UBE2G2: variants seen among roughly 807,000 people sequenced by gnomAD.
The protein encoded by UBE2G2 is ubiquitin-conjugating enzyme E2 G2.
In UBE2G2, 10 loss-of-function variants were observed where a neutral mutation model predicts 23.0. The ratio of observed to expected loss-of-function variants is 0.43; its 90% CI spans 0.27 to 0.74. The LOEUF (loss-of-function observed/expected upper bound fraction) is 0.74. UBE2G2 is among the 30% of genes least tolerant of loss of function. The pLI, the probability that UBE2G2 is intolerant of heterozygous loss-of-function variation, is 0.19. For synonymous variants in UBE2G2, 86 were observed against 81.3 expected (o/e 1.06, Z -0.31); for missense variants, 150 against 218.3 (o/e 0.69, Z 1.97).
At chr21:44,779,588 T>C (rs1013967890) in intron 3 of UBE2G2, among the ~76,000 whole-genome samples, 11 of 151,900 alleles carry the variant, frequency 7.2e-5, no homozygotes, top group African/African-American at 2.4e-4. Context: ...CCCCCTGCAA[T>C]GGCCTGAACA....
chr21:44,789,837 G>A (rs575111587), intron 1 of UBE2G2, among the ~76,000 whole-genome samples: 45 of 152,224 alleles, frequency 3.0e-4, no homozygotes, highest in Admixed American at 1.2e-3. Context: ...GATTAGGTCA[G>A]GAGGGCAGAA....
At chr21:44,778,213 C>T (rs2082927633) in intron 3 of UBE2G2, among the ~76,000 whole-genome samples, 1 of 152,166 alleles carries the variant, frequency 6.6e-6, no homozygotes. Context: ...TAAACGTGCC[C>T]AAGAAGGCAT....
chr21:44,775,129 C>G (rs1483268276), intron 4 of UBE2G2: 1 of 161,250 alleles, frequency 6.2e-6, no homozygotes, highest in East Asian at 1.9e-4. Flanking sequence ...ACATCAAAAC[C>G]TTCAGTATTG....
rs782417629 is a variant in UBE2G2 at position 44,773,606 on chromosome 21, C to T, written c.326G>A (p.Arg109Gln). 7.4e-6 allele frequency: 12 copies of T among 1,611,852 alleles called. No individual in the cohort carries two copies. Among genetic ancestry groups the T allele is most frequent in the South Asian group, 1.1e-5 (1 of 91,088 alleles). The change falls in exon 5 of 6, where the codon CGG becomes CAG. Residue 109 changes from arginine to glutamine, a missense_variant. Physicochemically the swap from Arg to Gln is conservative, Grantham distance 43 (BLOSUM62 1). Coordinates refer to ENST00000345496, the MANE Select transcript of UBE2G2 (RefSeq NM_003343.6). Reference protein sequence around the residue: ...DPMGYESSAERWSPVQSVEKI... With the variant: ...DPMGYESSAEQWSPVQSVEKI... ...CTCCACACTCTGCACAGGACTCCAC[C>T]GCTCCGCGCTGCTCTCGTAGCCCAT...
chr21:44,773,123 G>C (rs112866478), intron 5 of UBE2G2, among the ~76,000 whole-genome samples: 1 of 152,126 alleles, frequency 6.6e-6, no homozygotes, highest in Non-Finnish European at 1.5e-5. Flanking sequence ...GAAGTGGCCC[G>C]AGAGTCCCTG....
At chr21:44,792,576 C>T (rs1555963083) in intron 1 of UBE2G2, among the ~76,000 whole-genome samples, 1 of 152,134 alleles carries the variant, frequency 6.6e-6, no homozygotes, top group Non-Finnish European at 1.5e-5. Context: ...CCTGAGGCCT[C>T]GTCAGTTATG....
At position 44,771,355 on chromosome 21, in the gene UBE2G2, C is replaced by T. The variant is rs11569; in HGVS notation, c.*22G>A. 0.74 allele frequency: 1,182,710 copies of T among 1,603,614 alleles called. 438,724 individuals carry two copies. Among genetic ancestry groups the T allele is most frequent in the African/African-American group, 0.92 (68,956 of 74,870 alleles). On this transcript the variant is annotated 3_prime_UTR_variant, in exon 6 of 6. Transcript: ENST00000345496. This position sits in a 1 kb window ranked among gnomAD's most constrained non-coding sequence, Gnocchi z 4.6. ...ATGCTGAGCTGCTTGGCGGTGTGTG[C>T]GCGCCTGTGCGAGGCCAGGTCTCAC...
intron 3 of UBE2G2, among the ~76,000 whole-genome samples, chr21:44,778,339 G>A (rs1163646000): frequency 2.0e-5 from 3 of 152,252 alleles, no homozygotes; most frequent in Non-Finnish European, 2.9e-5. Context: ...CCCATGTGCT[G>A]TGCCTCATCC....
chr21:44,773,512 C>A (rs782304587), intron 5 of UBE2G2, 35 bp downstream of exon 5: 4 of 1,594,386 alleles, frequency 2.5e-6, no homozygotes, highest in Non-Finnish European at 3.4e-6. Context: ...GCCTGGGTGT[C>A]CACGGCAGCT....
intron 1 of UBE2G2, among the ~76,000 whole-genome samples, chr21:44,792,229 G>C (rs984248734): frequency 1.3e-5 from 2 of 152,182 alleles, no homozygotes; most frequent in Non-Finnish European, 2.9e-5. Context: ...TAAGACTTTG[G>C]GGGCCTTGCT....
In UBE2G2 at chr21:44,788,293, T is replaced by TTG. The variant is rs2083015027; in HGVS notation, c.44-199_44-198insCA. Among the ~76,000 whole-genome samples the TTG allele has an allele frequency of 1.1e-4, 17 of 148,452 alleles. 1 individual carries two copies. The South Asian group carries it at 3.5e-3, about 31-fold the overall frequency. ...AACTACACAAAGTTTTTTTGTTTTT[T>TTG]TTTTGTTTTTTTTTGAGACGGAGTC... On this transcript the variant is annotated intron_variant, in intron 1 of 5. Transcript: ENST00000345496.
Position 44,771,941 on chromosome 21 carries a change from C to G in UBE2G2, c.386-452G>C, listed in dbSNP as rs1555959983. Among the ~76,000 whole-genome samples, 1 of 152,122 alleles carries G rather than the reference C, an allele frequency of 6.6e-6. No individual in the cohort carries two copies. Among genetic ancestry groups the G allele is most frequent in the Non-Finnish European group, 1.5e-5 (1 of 68,012 alleles). Reference sequence around the variant, plus strand: ...CAAAACTGCCCCTCACAGCTCCTACCAAGACAATCCCAAGCAAATGTGCAG... The same window carrying G: ...CAAAACTGCCCCTCACAGCTCCTACGAAGACAATCCCAAGCAAATGTGCAG... On this transcript the variant is annotated intron_variant, in intron 5 of 5. Coordinates refer to ENST00000345496, the MANE Select transcript of UBE2G2 (RefSeq NM_003343.6). The surrounding 1 kb of genome is among the most constrained non-coding windows in gnomAD (Gnocchi z 4.6).
intron 3 of UBE2G2, among the ~76,000 whole-genome samples, chr21:44,778,256 CAT>C (rs2082927934): frequency 6.6e-6 from 1 of 152,248 alleles, no homozygotes; most frequent in Non-Finnish European, 1.5e-5. Context: ...ATGAAGAGCA[CAT>C]GTGATCACTG....
At position 44,801,815 on chromosome 21, in the gene UBE2G2, G is replaced by A. The variant is rs2083142576; in HGVS notation, c.-67C>T. The A allele has an allele frequency of 2.7e-6, 4 of 1,483,424 alleles. No individual in the cohort carries two copies. The highest frequency in any genetic ancestry group is 2.5e-5 in the Admixed American group (1 of 40,638). The allele number at this position is 1,483,424 out of a possible 1,614,324, so 91.9% of individuals were successfully genotyped here. On this transcript the variant is annotated 5_prime_UTR_variant, in exon 1 of 6. Coordinates refer to ENST00000345496, the MANE Select transcript of UBE2G2 (RefSeq NM_003343.6). ...GCGCGTGCCTCCTGCCCCGACACCG[G>A]GGACTGCTTCCGGGCCACCGTCGCG...
chr21:44,794,751 G>C (rs1423500031), intron 1 of UBE2G2, among the ~76,000 whole-genome samples: 4 of 151,952 alleles, frequency 2.6e-5, no homozygotes, highest in Non-Finnish European at 5.9e-5. Flanking sequence ...AGCCCGGATG[G>C]TCTCCATCTC....
chr21:44,781,334 C>T (rs1484463442), intron 3 of UBE2G2, among the ~76,000 whole-genome samples: 1 of 152,272 alleles, frequency 6.6e-6, no homozygotes, highest in South Asian at 2.1e-4. Context: ...TGAGGGCTCC[C>T]GGCATCTGAG....
intron 3 of UBE2G2, 116 bp downstream of exon 3, chr21:44,787,804 G>A (rs565142595): frequency 1.1e-5 from 13 of 1,171,298 alleles, no homozygotes; most frequent in African/African-American, 7.7e-5. Context: ...GGCATTACTG[G>A]AGAACTCAGT....
intron 1 of UBE2G2, among the ~76,000 whole-genome samples, chr21:44,789,092 A>C (rs1334210627): frequency 6.6e-6 from 1 of 152,118 alleles, no homozygotes; most frequent in Non-Finnish European, 1.5e-5. Context: ...CTTTAAAAAG[A>C]ATAAACAGAG....
At chr21:44,775,714 C>T (rs887855849) in intron 4 of UBE2G2, among the ~76,000 whole-genome samples, 2 of 152,184 alleles carry the variant, frequency 1.3e-5, no homozygotes, top group Admixed American at 6.5e-5. Flanking sequence ...CTCCTCAATA[C>T]AATCTTAGTA....
Sources: allele counts gnomAD v4.1 joint callset (sites outside exome capture counted in the v4.1 genomes callset), GRCh38; gene constraint gnomAD v4.1.1; non-coding constraint Gnocchi (gnomAD v3.1); transcripts MANE v1.5; gene names NCBI Gene and HGNC (gene_info 2026-07-23, HGNC 2026-07-21).